The following CDH13 variants were observed in gnomAD, a reference collection of about 807,000 sequenced individuals.
The protein encoded by CDH13 is cadherin 13.
Under a neutral mutation model 63.8 loss-of-function variants are expected in CDH13, and 24 were observed. The ratio of observed to expected loss-of-function variants is 0.38; its 90% CI spans 0.27 to 0.53. The LOEUF is 0.53. CDH13 is among the 20% of genes least tolerant of loss of function. CDH13 has a pLI of 0.85. For synonymous variants in CDH13, 503 were observed against 355.3 expected (o/e 1.42, Z -4.67); for missense variants, 1,049 against 903.1 (o/e 1.16, Z -2.07).
rs188538888 is a variant in CDH13 at position 83,416,073 on chromosome 16, A to C, written c.782-70404A>C. 3.5e-3 allele frequency among the ~76,000 whole-genome samples: 538 copies of C among 152,342 alleles called. 7 individuals are homozygous for C. The highest frequency in any genetic ancestry group is 0.013 in the African/African-American group (520 of 41,584). On this transcript the variant is annotated intron_variant, in intron 6 of 13. Transcript: ENST00000567109. ...AATTTGTGGGATACAAAATCAACAA[A>C]CAAAAATTAGTTATGTTTCTATACA...
chr16:82,961,913 A>G (rs1193437461), intron 2 of CDH13, among the ~76,000 whole-genome samples: 1 of 152,230 alleles, frequency 6.6e-6, no homozygotes, highest in African/African-American at 2.4e-5. Context: ...AACCTCCACC[A>G]CAAAGAATTA....
intron 8 of CDH13, among the ~76,000 whole-genome samples, chr16:83,657,736 A>G (rs576022724): frequency 4.1e-4 from 62 of 152,314 alleles, no homozygotes; most frequent in African/African-American, 1.3e-3. Flanking sequence ...TTGCTTAGCA[A>G]TATCTGTGAA....
intron 1 of CDH13, among the ~76,000 whole-genome samples, chr16:82,772,286 G>T (rs537711642): frequency 4.6e-5 from 7 of 152,134 alleles, no homozygotes; most frequent in Non-Finnish European, 1.0e-4. Flanking sequence ...TACCGGAGCT[G>T]CTGGCCTTTG....
At chr16:83,684,124 T>C (rs1456588310) in intron 10 of CDH13, among the ~76,000 whole-genome samples, 1 of 152,166 alleles carries the variant, frequency 6.6e-6, no homozygotes, top group Non-Finnish European at 1.5e-5. Context: ...CCCAATATTT[T>C]GGGATGCTGA....
rs951201062 is a variant in CDH13 at position 82,993,387 on chromosome 16, T to G, written c.158-38623T>G. 2.6e-5 allele frequency among the ~76,000 whole-genome samples: 4 copies of G among 152,048 alleles called. No homozygotes were observed. The East Asian group carries it at 5.8e-4, about 22-fold the overall frequency. On this transcript the variant is annotated intron_variant, in intron 2 of 13. Transcript: ENST00000567109. ...GATTTAAGTTGTTGCAGGTTTTGAG[T>G]TACCACTGGCTTTTGACTCAGTTGA...
chr16:83,052,566 G>T (rs1003061313), intron 3 of CDH13, among the ~76,000 whole-genome samples: 3 of 152,086 alleles, frequency 2.0e-5, no homozygotes, highest in Non-Finnish European at 4.4e-5. Context: ...GATCACCTGG[G>T]GTCACGAGTT....
At chr16:82,693,098 C>T (rs1915794529) in intron 1 of CDH13, among the ~76,000 whole-genome samples, 1 of 152,152 alleles carries the variant, frequency 6.6e-6, no homozygotes. Flanking sequence ...TCACCAGAAA[C>T]TAGGAGTCTC....
rs1398493724 is a variant in CDH13, at chr16:82,866,509, T to G, written c.157+8036T>G. ...GTTCAAGCGATTCTCCTGCCTCAGC[T>G]TCCTGAGTAGCTGGGACTACAGGCA... is the stretch of plus-strand genomic sequence containing the variant. On this transcript the variant is annotated intron_variant, in intron 2 of 13. Transcript: ENST00000567109. Among the ~76,000 whole-genome samples, 4 of 149,280 alleles carry G rather than the reference T, an allele frequency of 2.7e-5. No individual in the cohort carries two copies. In the East Asian group the frequency reaches 8.1e-4, roughly 30 times the overall value.
intron 2 of CDH13, among the ~76,000 whole-genome samples, chr16:83,019,734 G>C (rs1246219930): frequency 6.7e-6 from 1 of 149,792 alleles, no homozygotes; most frequent in African/African-American, 2.5e-5. Context: ...GGGCTCAAGC[G>C]ATCTGCCTAC....
At chr16:83,665,333 C>A (rs1393013098) in intron 8 of CDH13, among the ~76,000 whole-genome samples, 1 of 152,176 alleles carries the variant, frequency 6.6e-6, no homozygotes, top group Non-Finnish European at 1.5e-5. Context: ...GGGCAAAATC[C>A]ATCATCATTA....
At chr16:83,432,052 G>A (rs1033896286) in intron 6 of CDH13, among the ~76,000 whole-genome samples, 1 of 152,182 alleles carries the variant, frequency 6.6e-6, no homozygotes, top group Non-Finnish European at 1.5e-5. Context: ...AAACCAGGTA[G>A]AAGGCTTCTG....
At chr16:82,935,139 G>T (rs2042628106) in intron 2 of CDH13, among the ~76,000 whole-genome samples, 1 of 152,172 alleles carries the variant, frequency 6.6e-6, no homozygotes, top group Non-Finnish European at 1.5e-5. Flanking sequence ...TTGCAGGGTT[G>T]GGGAGGCCTC....
intron 7 of CDH13, among the ~76,000 whole-genome samples, chr16:83,594,404 G>A (rs1567792247): frequency 6.6e-6 from 1 of 152,054 alleles, no homozygotes; most frequent in Non-Finnish European, 1.5e-5. Flanking sequence ...AAGTCATGGA[G>A]CCAGGGTGAT....
At chr16:83,613,191 G>A (rs982428267) in intron 8 of CDH13, among the ~76,000 whole-genome samples, 1 of 152,272 alleles carries the variant, frequency 6.6e-6, no homozygotes, top group African/African-American at 2.4e-5. Flanking sequence ...TGAAAGAAAC[G>A]TGTCTCTTTT....
At chr16:82,674,565 A>G (rs569588455) in intron 1 of CDH13, among the ~76,000 whole-genome samples, 2 of 152,320 alleles carry the variant, frequency 1.3e-5, no homozygotes, top group Admixed American at 6.5e-5. Flanking sequence ...TTAATTCATC[A>G]CCTGAGAAGT....
intron 2 of CDH13, chr16:82,884,305 A>G: frequency 2.3e-6 from 1 of 432,192 alleles, no homozygotes; most frequent in African/African-American, 2.1e-5. Context: ...CATGCTATTG[A>G]GAAAAGGAGG....
At chr16:83,506,235 C>T (rs1187849461) in intron 7 of CDH13, among the ~76,000 whole-genome samples, 4 of 152,194 alleles carry the variant, frequency 2.6e-5, no homozygotes, top group Non-Finnish European at 5.9e-5. Context: ...AGAGTATAGA[C>T]AAGCTCCTCT....
chr16:83,091,528 G>T (rs1041022557), intron 3 of CDH13, among the ~76,000 whole-genome samples: 1 of 152,178 alleles, frequency 6.6e-6, no homozygotes, highest in Non-Finnish European at 1.5e-5. Flanking sequence ...TTCATTCCTT[G>T]GGGAGGGTAC....
At chr16:83,538,995 G>A (rs1206833793) in intron 7 of CDH13, among the ~76,000 whole-genome samples, 1 of 152,122 alleles carries the variant, frequency 6.6e-6, no homozygotes, top group Non-Finnish European at 1.5e-5. Context: ...GGACTTTTCA[G>A]AACTTTTATT....
Sources: allele counts gnomAD v4.1 joint callset (sites outside exome capture counted in the v4.1 genomes callset), GRCh38; gene constraint gnomAD v4.1.1; transcripts MANE v1.5; gene names NCBI Gene and HGNC (gene_info 2026-07-23, HGNC 2026-07-21).